ROBO1: variants seen among roughly 807,000 people sequenced by gnomAD.
The protein encoded by ROBO1 is roundabout homolog 1.
Under a neutral mutation model 195.9 loss-of-function variants are expected in ROBO1, and 149 were observed. The observed-to-expected ratio is 0.76, with a 90% CI of 0.67 to 0.87. The LOEUF (loss-of-function observed/expected upper bound fraction) is 0.87, where lower values mean the gene tolerates loss of function less well. Ranked by LOEUF, ROBO1 falls within the 40% of genes least tolerant of loss-of-function variation. ROBO1 has a pLI of 0.00. For synonymous variants in ROBO1, 816 were observed against 733.2 expected (o/e 1.11, Z -1.82); for missense variants, 1,933 against 2,068.3 (o/e 0.93, Z 1.27).
intron 2 of ROBO1, among the ~76,000 whole-genome samples, chr3:79,168,808 A>C (rs2081116477): frequency 6.6e-6 from 1 of 152,182 alleles, no homozygotes. Context: ...GCTTGCATTA[A>C]AGTGAGGAAA....
chr3:79,759,935 A>C (rs1704596676), intron 1 of ROBO1, among the ~76,000 whole-genome samples: 1 of 152,118 alleles, frequency 6.6e-6, no homozygotes, highest in Admixed American at 6.5e-5. Flanking sequence ...AAAAGACCTG[A>C]ATGTAAAAAG....
intron 2 of ROBO1, among the ~76,000 whole-genome samples, chr3:79,406,870 T>A (rs1471550218): frequency 6.6e-6 from 1 of 152,114 alleles, no homozygotes; most frequent in Non-Finnish European, 1.5e-5. Context: ...TCTTCCAATC[T>A]GATAGGGAAG....
chr3:79,341,867 T>C (rs905759669), intron 2 of ROBO1, among the ~76,000 whole-genome samples: 1 of 152,224 alleles, frequency 6.6e-6, no homozygotes, highest in South Asian at 2.1e-4. Flanking sequence ...TTTTGCGTTT[T>C]CTACACTTCT....
chr3:79,716,489 A>T (rs1186898295), intron 1 of ROBO1, among the ~76,000 whole-genome samples: 1 of 151,984 alleles, frequency 6.6e-6, no homozygotes, highest in African/African-American at 2.4e-5. Context: ...TTTTTAACTA[A>T]GTAAATATAT....
At chr3:78,823,827 A>C (rs1463072055) in intron 4 of ROBO1, among the ~76,000 whole-genome samples, 1 of 152,150 alleles carries the variant, frequency 6.6e-6, no homozygotes, top group Non-Finnish European at 1.5e-5. Context: ...GTCCCTATGA[A>C]CACCCTTTAT....
intron 3 of ROBO1, among the ~76,000 whole-genome samples, chr3:79,077,662 T>C (rs1396009491): frequency 1.3e-5 from 2 of 151,842 alleles, no homozygotes; most frequent in African/African-American, 2.4e-5. Context: ...TGAATGCAAA[T>C]GTTTCTTAAA....
intron 2 of ROBO1, among the ~76,000 whole-genome samples, chr3:79,547,184 C>CAA (rs1162585941): frequency 0.04 from 939 of 23,284 alleles, 263 homozygotes; most frequent in African/African-American, 0.079. Context: ...GACTCCGCCT[C>CAA]AAAAAAAAAA....
intron 1 of ROBO1, among the ~76,000 whole-genome samples, chr3:79,731,021 T>A (rs1054354606): frequency 6.6e-6 from 1 of 151,986 alleles, no homozygotes; most frequent in African/African-American, 2.4e-5. Flanking sequence ...TCGTGATCCG[T>A]GTTTCCTATA....
chr3:79,047,862 G>C (rs1257959449), intron 3 of ROBO1, among the ~76,000 whole-genome samples: 1 of 152,066 alleles, frequency 6.6e-6, no homozygotes, highest in Non-Finnish European at 1.5e-5. Context: ...GGTAACCATG[G>C]TAATGAGACA....
intron 2 of ROBO1, among the ~76,000 whole-genome samples, chr3:79,190,045 G>T (rs1576792993): frequency 6.6e-6 from 1 of 151,410 alleles, no homozygotes. Flanking sequence ...TGTTTTACTT[G>T]GTGTATTTTC....
intron 9 of ROBO1, 105 bp downstream of exon 9, chr3:78,688,543 T>C (rs1172680994): frequency 8.2e-7 from 1 of 1,226,536 alleles, no homozygotes; most frequent in Non-Finnish European, 1.1e-6. Flanking sequence ...CCAGTTCTCT[T>C]AATGTGACAG....
At chr3:79,377,383 A>G (rs1022598999) in intron 2 of ROBO1, among the ~76,000 whole-genome samples, 1 of 152,194 alleles carries the variant, frequency 6.6e-6, no homozygotes, top group Non-Finnish European at 1.5e-5. Flanking sequence ...AATCCTGCCA[A>G]ATATCTTTGA....
intron 4 of ROBO1, among the ~76,000 whole-genome samples, chr3:78,809,859 G>A (rs368829754): frequency 6.6e-6 from 1 of 152,008 alleles, no homozygotes; most frequent in African/African-American, 2.4e-5. Context: ...GCTAGGGGAG[G>A]GATAGCATTA....
intron 4 of ROBO1, among the ~76,000 whole-genome samples, chr3:78,874,963 A>T (rs1030855857): frequency 6.6e-6 from 1 of 152,098 alleles, no homozygotes; most frequent in South Asian, 2.1e-4. Context: ...TGCACAAATA[A>T]ATGAATCCAG....
intron 4 of ROBO1, among the ~76,000 whole-genome samples, chr3:78,860,099 A>T (rs1304925000): frequency 6.6e-6 from 1 of 150,548 alleles, no homozygotes; most frequent in Non-Finnish European, 1.5e-5. Context: ...AAAAGACACA[A>T]GGGGTTTTAG....
At chr3:78,709,800 C>T (rs1432259800) in intron 8 of ROBO1, among the ~76,000 whole-genome samples, 2 of 152,136 alleles carry the variant, frequency 1.3e-5, no homozygotes, top group East Asian at 3.9e-4. Flanking sequence ...AACAGAGGCA[C>T]TGAGAATCTA....
At chr3:79,653,380 T>C (rs1478097050) in intron 1 of ROBO1, among the ~76,000 whole-genome samples, 1 of 151,980 alleles carries the variant, frequency 6.6e-6, no homozygotes, top group African/African-American at 2.4e-5. Flanking sequence ...TTGTTCAAGT[T>C]CATTTCCCAG....
At chr3:78,704,307 A>G (rs889337174) in intron 8 of ROBO1, among the ~76,000 whole-genome samples, 2 of 152,076 alleles carry the variant, frequency 1.3e-5, no homozygotes, top group African/African-American at 4.8e-5. Flanking sequence ...TTTTTCTCTC[A>G]TTACTTATTT....
At chr3:79,030,222 T>C (rs192385954) in intron 3 of ROBO1, among the ~76,000 whole-genome samples, 1 of 152,292 alleles carries the variant, frequency 6.6e-6, no homozygotes, top group Admixed American at 6.5e-5. Flanking sequence ...TCCCTCCCCA[T>C]TGACATTCTG....
Sources: gnomAD v4.1 joint callset for allele counts (sites outside exome capture counted in the v4.1 genomes callset) on GRCh38, gnomAD v4.1.1 for gene constraint, MANE v1.5 for transcripts, NCBI Gene and HGNC (gene_info 2026-07-23, HGNC 2026-07-21) for gene names.